The following CCSER1 variants were observed in gnomAD, a reference collection of about 807,000 sequenced individuals.
CCSER1 encodes the protein serine-rich coiled-coil domain-containing protein 1.
CCSER1 carries 41 observed loss-of-function variants against 82.0 expected under a neutral mutation model. That is an observed-to-expected ratio of 0.50 (90% CI 0.39 to 0.65). The LOEUF is 0.65. CCSER1 is among the 30% of genes least tolerant of loss of function. The pLI, the probability that CCSER1 is intolerant of heterozygous loss-of-function variation, is 0.00. For missense variants in CCSER1, 1,119 were observed against 1,064.2 expected (o/e 1.05, Z -0.72); for synonymous variants, 414 against 383.9 (o/e 1.08, Z -0.92).
chr4:91,421,104 A>G (rs1305472073), intron 10 of CCSER1, among the ~76,000 whole-genome samples: 4 of 152,154 alleles, frequency 2.6e-5, no homozygotes, highest in Admixed American at 6.5e-5. Flanking sequence ...CAATTATTAG[A>G]TGAATAAGTT....
Position 91,496,713 on chromosome 4 carries a change from C to G in CCSER1, c.2218-101859C>G, listed in dbSNP as rs1385726985. On this transcript the variant is annotated intron_variant, in intron 10 of 10. Coordinates refer to ENST00000509176, the MANE Select transcript of CCSER1 (RefSeq NM_001145065.2). ...TATATATTCAATATATATATATATTCAATATATAGAATATATATATATATT... is the reference window on the plus strand; with the variant it reads ...TATATATTCAATATATATATATATTGAATATATAGAATATATATATATATT... 1.6e-3 allele frequency among the ~76,000 whole-genome samples: 41 copies of G among 26,258 alleles called. 4 individuals carry two copies. The highest frequency in any genetic ancestry group is 3.8e-3 in the East Asian group (1 of 266). 17.2% of individuals were successfully genotyped at this position (26,258 alleles called of 152,430 possible). A position where few individuals can be genotyped will look rare whatever the true frequency, so the allele number is the denominator to read the frequency against.
In CCSER1 at chr4:90,845,780, C is replaced by T. The variant is rs1287572253; in HGVS notation, c.2094+29935C>T. On this transcript the variant is annotated intron_variant, in intron 8 of 10. Coordinates refer to ENST00000509176, the MANE Select transcript of CCSER1 (RefSeq NM_001145065.2). ...GTGAACATATCATGATTTATACAGC[C>T]TATAATGTTTTTCTTATTTCAACTG... is the stretch of plus-strand genomic sequence containing the variant. Among the ~76,000 whole-genome samples the T allele has an allele frequency of 4.0e-5, 6 of 149,678 alleles. No individual in the cohort carries two copies. The East Asian group carries it at 9.8e-4, about 24-fold the overall frequency.
At chr4:91,036,781 C>A (rs1741467764) in intron 9 of CCSER1, among the ~76,000 whole-genome samples, 1 of 151,944 alleles carries the variant, frequency 6.6e-6, no homozygotes, top group East Asian at 1.9e-4. Context: ...GGAGGGTGAA[C>A]TATAGTGGGA....
chr4:91,473,832 C>T (rs1023143246), intron 10 of CCSER1, among the ~76,000 whole-genome samples: 1 of 152,070 alleles, frequency 6.6e-6, no homozygotes, highest in Non-Finnish European at 1.5e-5. Flanking sequence ...GCTGAGATAG[C>T]TGACTAGGCA....
intron 10 of CCSER1, among the ~76,000 whole-genome samples, chr4:91,442,558 A>G (rs1755249008): frequency 7.3e-6 from 1 of 137,434 alleles, no homozygotes; most frequent in African/African-American, 2.7e-5. Flanking sequence ...GGACATAGGC[A>G]TGGGCAAGGA....
At chr4:90,271,863 T>TGTATATATATATATATATATATATA (rs61116868) in intron 1 of CCSER1, among the ~76,000 whole-genome samples, 2 of 19,792 alleles carry the variant, frequency 1.0e-4, no homozygotes, top group South Asian at 2.6e-3. Context: ...TATATATATA[T>TGTATATATATATATATATATATATA]TTTTTTTTTT....
chr4:91,587,079 C>T (rs759079935), intron 10 of CCSER1, among the ~76,000 whole-genome samples: 2 of 151,642 alleles, frequency 1.3e-5, no homozygotes, highest in Non-Finnish European at 3.0e-5. Context: ...CCTCAGATAC[C>T]TCTTCTCTCA....
chr4:90,556,566 T>C (rs956055921), intron 5 of CCSER1, among the ~76,000 whole-genome samples: 10 of 152,134 alleles, frequency 6.6e-5, no homozygotes, highest in African/African-American at 2.2e-4. Flanking sequence ...CATAAACAAT[T>C]GATTAACATA....
chr4:91,332,198 TATA>T (rs1183925724), intron 10 of CCSER1, among the ~76,000 whole-genome samples: 1 of 152,032 alleles, frequency 6.6e-6, no homozygotes, highest in African/African-American at 2.4e-5. Context: ...TTAGAAATAA[TATA>T]ATTATTTATA....
chr4:91,171,746 G>A (rs1732779180), intron 10 of CCSER1, among the ~76,000 whole-genome samples: 1 of 151,882 alleles, frequency 6.6e-6, no homozygotes, highest in Admixed American at 6.6e-5. Flanking sequence ...AAATTTGAAT[G>A]TGATATTCAC....
intron 10 of CCSER1, among the ~76,000 whole-genome samples, chr4:91,338,426 C>G (rs970237720): frequency 6.6e-6 from 1 of 152,068 alleles, no homozygotes; most frequent in Non-Finnish European, 1.5e-5. Flanking sequence ...AAGGAAACAA[C>G]TCTGTAATTC....
At chr4:91,454,005 A>G (rs1243199903) in intron 10 of CCSER1, among the ~76,000 whole-genome samples, 1 of 152,058 alleles carries the variant, frequency 6.6e-6, no homozygotes, top group Non-Finnish European at 1.5e-5. Flanking sequence ...CTAGAACAGC[A>G]TTCTATATTA....
chr4:91,398,786 A>G (rs1560639974), intron 10 of CCSER1, among the ~76,000 whole-genome samples: 1 of 151,866 alleles, frequency 6.6e-6, no homozygotes, highest in Non-Finnish European at 1.5e-5. Context: ...ACCAAGGAAA[A>G]AAAAAAAGTC....
chr4:90,784,981 G>T (rs1291667959), intron 7 of CCSER1, among the ~76,000 whole-genome samples: 1 of 152,150 alleles, frequency 6.6e-6, no homozygotes, highest in Non-Finnish European at 1.5e-5. Flanking sequence ...GGAACAGGAA[G>T]ATGAAGGGTT....
chr4:90,614,879 A>C (rs1400360559), intron 5 of CCSER1, among the ~76,000 whole-genome samples: 1 of 152,198 alleles, frequency 6.6e-6, no homozygotes, highest in African/African-American at 2.4e-5. Context: ...AAACAGACAG[A>C]AGATGCCATC....
chr4:90,616,683 TCACACACACACACACACACACACACACA>T (rs56988615), intron 5 of CCSER1, among the ~76,000 whole-genome samples: 1 of 120,306 alleles, frequency 8.3e-6, no homozygotes, highest in East Asian at 2.4e-4. Flanking sequence ...TGGCTCTGTC[TCACACACACACACACACACACACACACA>T]CACACACACA....
At chr4:90,734,360 C>T (rs1450363657) in intron 7 of CCSER1, among the ~76,000 whole-genome samples, 2 of 152,016 alleles carry the variant, frequency 1.3e-5, no homozygotes, top group African/African-American at 2.4e-5. Flanking sequence ...CTCCTGACCT[C>T]GTGATCTGCC....
intron 10 of CCSER1, among the ~76,000 whole-genome samples, chr4:91,198,337 GAAATA>G (rs1345257491): frequency 7.8e-6 from 1 of 127,632 alleles, no homozygotes; most frequent in East Asian, 2.7e-4. Context: ...CAGTGAGTTT[GAAATA>G]AAATTTTCTG....
intron 1 of CCSER1, among the ~76,000 whole-genome samples, chr4:90,177,795 C>G (rs1732980942): frequency 6.6e-6 from 1 of 152,018 alleles, no homozygotes; most frequent in South Asian, 2.1e-4. Flanking sequence ...TAGCAAGTGA[C>G]AAAATATGTT....
Sources: allele counts gnomAD v4.1 joint callset (sites outside exome capture counted in the v4.1 genomes callset), GRCh38; gene constraint gnomAD v4.1.1; transcripts MANE v1.5; gene names NCBI Gene and HGNC (gene_info 2026-07-23, HGNC 2026-07-21).